Variants in DEPTOR observed in about 807,000 individuals in gnomAD.
DEPTOR encodes the protein DEP domain containing MTOR interacting protein.
Under a neutral mutation model 41.6 loss-of-function variants are expected in DEPTOR, and 41 were observed. The observed-to-expected ratio is 0.98, with a 90% CI of 0.77 to 1.28. DEPTOR has a LOEUF of 1.28. Ranked by LOEUF, DEPTOR falls within the 50% of genes most tolerant of loss-of-function variation. The pLI is 0.00. For missense variants in DEPTOR, 514 were observed against 527.9 expected (o/e 0.97, Z 0.26); for synonymous variants, 195 against 192.3 (o/e 1.01, Z -0.12).
intron 1 of DEPTOR, among the ~76,000 whole-genome samples, chr8:119,887,527 A>C (rs1439658103): frequency 2.9e-5 from 3 of 104,864 alleles, no homozygotes; most frequent in Admixed American, 1.1e-4. Flanking sequence ...CTGGAGTTGT[A>C]CTCACTCTGT....
chr8:119,942,464 C>T (rs1828215706), intron 3 of DEPTOR, among the ~76,000 whole-genome samples: 1 of 152,150 alleles, frequency 6.6e-6, no homozygotes, highest in Non-Finnish European at 1.5e-5. Flanking sequence ...CCCTGGCTTC[C>T]CAAAGTGCTG....
intron 8 of DEPTOR, among the ~76,000 whole-genome samples, chr8:120,034,035 C>A (rs2203903): frequency 0.38 from 58,384 of 151,814 alleles, 11,991 homozygotes; most frequent in East Asian, 0.52. Context: ...CTATTGCACT[C>A]CAGTCTGGGT....
intron 3 of DEPTOR, among the ~76,000 whole-genome samples, chr8:119,961,119 T>C (rs1004097420): frequency 4.6e-5 from 7 of 151,582 alleles, no homozygotes; most frequent in Non-Finnish European, 1.0e-4. Context: ...AAAACAAGGC[T>C]GAATAAAAGA....
chr8:119,982,998 A>C (rs973659720), intron 4 of DEPTOR, among the ~76,000 whole-genome samples: 2 of 152,226 alleles, frequency 1.3e-5, no homozygotes, highest in Non-Finnish European at 2.9e-5. Context: ...TGTCAGCTAC[A>C]AGGACAAATG....
chr8:119,918,389 G>GT (rs1827841685), intron 1 of DEPTOR, among the ~76,000 whole-genome samples: 1 of 152,124 alleles, frequency 6.6e-6, no homozygotes, highest in Admixed American at 6.6e-5. Context: ...ACTCTGACTT[G>GT]TTTTTTATTC....
chr8:120,046,760 A>G (rs979802588), intron 8 of DEPTOR, among the ~76,000 whole-genome samples: 3 of 151,974 alleles, frequency 2.0e-5, no homozygotes, highest in Non-Finnish European at 4.4e-5. Context: ...TCTGTTGACA[A>G]ACATTGGGGT....
chr8:119,888,644 C>T (rs1827405816), intron 1 of DEPTOR, among the ~76,000 whole-genome samples: 1 of 151,964 alleles, frequency 6.6e-6, no homozygotes, highest in Admixed American at 6.6e-5. Flanking sequence ...TGGCTTGAGG[C>T]CAGGAGTTTG....
At chr8:119,876,347 C>T (rs1483857190) in intron 1 of DEPTOR, among the ~76,000 whole-genome samples, 1 of 152,152 alleles carries the variant, frequency 6.6e-6, no homozygotes, top group Non-Finnish European at 1.5e-5. Flanking sequence ...TTGCTACTTA[C>T]TAGTGTGGGA....
chr8:120,011,777 G>C (rs1328096463), intron 8 of DEPTOR, among the ~76,000 whole-genome samples: 2 of 152,106 alleles, frequency 1.3e-5, no homozygotes, highest in African/African-American at 2.4e-5. Context: ...TATATTCCCT[G>C]ATCGATGTTT....
chr8:119,920,990 T>G (rs1263522919), intron 1 of DEPTOR, among the ~76,000 whole-genome samples: 1 of 148,564 alleles, frequency 6.7e-6, no homozygotes, highest in African/African-American at 2.6e-5. Context: ...GTTTTTTTTT[T>G]TTTTGAGACA....
intron 3 of DEPTOR, among the ~76,000 whole-genome samples, chr8:119,933,319 ATC>A (rs772426851): frequency 2.0e-5 from 3 of 151,910 alleles, no homozygotes; most frequent in Non-Finnish European, 4.4e-5. Context: ...GCGAAACCCT[ATC>A]TCTACTAAAA....
At position 119,955,472 on chromosome 8, in the gene DEPTOR, C is replaced by G. The variant is rs533118890; in HGVS notation, c.426-9760C>G. 4.1e-5 allele frequency among the ~76,000 whole-genome samples: 6 copies of G among 146,198 alleles called. No individual in the cohort carries two copies. In the South Asian group the frequency reaches 1.3e-3, roughly 32 times the overall value. ...CATTTTGACATAATTTTTTTCCTTT[C>G]TTTTTTTTTTTGAGTCAAAGTTTCG... On this transcript the variant is annotated intron_variant, in intron 3 of 8. Coordinates refer to ENST00000286234, the MANE Select transcript of DEPTOR (RefSeq NM_022783.4).
intron 1 of DEPTOR, among the ~76,000 whole-genome samples, chr8:119,898,821 C>T (rs1563960229): frequency 6.6e-6 from 1 of 151,998 alleles, no homozygotes; most frequent in Non-Finnish European, 1.5e-5. Flanking sequence ...AATAGTTAGC[C>T]ACATAGAACC....
At chr8:120,030,172 G>A (rs1005695002) in intron 8 of DEPTOR, among the ~76,000 whole-genome samples, 6 of 152,056 alleles carry the variant, frequency 3.9e-5, no homozygotes, top group Admixed American at 6.6e-5. Flanking sequence ...ATACTATGGC[G>A]GACCCTCATC....
intron 3 of DEPTOR, among the ~76,000 whole-genome samples, chr8:119,958,479 A>G (rs1310520527): frequency 1.3e-5 from 2 of 152,030 alleles, no homozygotes; most frequent in Non-Finnish European, 2.9e-5. Context: ...GGCCAAGTTT[A>G]TCACCTTAGA....
intron 3 of DEPTOR, among the ~76,000 whole-genome samples, chr8:119,932,512 C>T (rs537467751): frequency 1.3e-5 from 2 of 152,352 alleles, no homozygotes; most frequent in South Asian, 2.1e-4. Flanking sequence ...GCCAGTCACA[C>T]AGCACTGTGT....
At chr8:120,035,540 G>A (rs977973376) in intron 8 of DEPTOR, among the ~76,000 whole-genome samples, 1 of 152,104 alleles carries the variant, frequency 6.6e-6, no homozygotes, top group African/African-American at 2.4e-5. Context: ...ACAGAATCTT[G>A]TGGTTATAGT....
chr8:119,965,451 C>A lies in DEPTOR; in HGVS notation c.604+41C>A, dbSNP rs150491994. ...AGCTTTTGCTGCAGGAACAAACAGC[C>A]AGCCCCAAATCTTGTGTCTTACAAC... On this transcript the variant is annotated intron_variant, in intron 4 of 8. Coordinates refer to ENST00000286234, the MANE Select transcript of DEPTOR (RefSeq NM_022783.4). 5.6e-4 allele frequency: 890 copies of A among 1,595,120 alleles called. 4 individuals are homozygous for A. The African/African-American group carries it at 9.9e-3, about 18-fold the overall frequency.
At chr8:119,896,187 C>G (rs1171698270) in intron 1 of DEPTOR, among the ~76,000 whole-genome samples, 1 of 152,030 alleles carries the variant, frequency 6.6e-6, no homozygotes, top group Non-Finnish European at 1.5e-5. Flanking sequence ...ACTATGTGAC[C>G]AGTAGTGGCA....
Sources: gnomAD v4.1 joint callset for allele counts (sites outside exome capture counted in the v4.1 genomes callset) on GRCh38, gnomAD v4.1.1 for gene constraint, MANE v1.5 for transcripts, NCBI Gene and HGNC (gene_info 2026-07-23, HGNC 2026-07-21) for gene names.